Variants in SOX5 observed in about 807,000 individuals in gnomAD.
SOX5 encodes the protein SRY-box transcription factor 5, also known as transcription factor SOX-5.
In SOX5, 9 loss-of-function variants were observed where a neutral mutation model predicts 92.0. The observed-to-expected ratio is 0.10, with a 90% CI of 0.06 to 0.17. SOX5 has a LOEUF of 0.17. Ranked by LOEUF, SOX5 falls within the 10% of genes least tolerant of loss-of-function variation. SOX5 has a pLI of 1.00. For missense variants in SOX5, 642 were observed against 944.5 expected (o/e 0.68, Z 4.20); for synonymous variants, 344 against 336.3 (o/e 1.02, Z -0.25).
At chr12:23,591,342 G>T (rs1324283492) in intron 9 of SOX5, among the ~76,000 whole-genome samples, 1 of 152,022 alleles carries the variant, frequency 6.6e-6, no homozygotes, top group East Asian at 1.9e-4. Context: ...GTGTACATTT[G>T]TTAAGAGCCT....
chr12:23,721,476 A>G (rs1470369713), intron 6 of SOX5, among the ~76,000 whole-genome samples: 1 of 152,138 alleles, frequency 6.6e-6, no homozygotes, highest in African/African-American at 2.4e-5. Context: ...CCGAGAGCGT[A>G]AACTACCAAA....
chr12:24,078,828 C>T (rs1032015240), intron 4 of SOX5, among the ~76,000 whole-genome samples: 1 of 152,008 alleles, frequency 6.6e-6, no homozygotes, highest in African/African-American at 2.4e-5. Context: ...GAATATGTAT[C>T]TTTACAGAGC....
At chr12:23,819,271 C>A (rs923290409) in intron 3 of SOX5, among the ~76,000 whole-genome samples, 5 of 152,142 alleles carry the variant, frequency 3.3e-5, no homozygotes, top group African/African-American at 4.8e-5. Context: ...AGTTCTATTA[C>A]AATTTTCTGG....
At chr12:23,596,912 T>A (rs1219468654) in intron 9 of SOX5, among the ~76,000 whole-genome samples, 11 of 152,186 alleles carry the variant, frequency 7.2e-5, no homozygotes, top group Non-Finnish European at 1.3e-4. Context: ...TACCCAGACA[T>A]CCTTTCTTAT....
At chr12:24,539,147 T>C (rs1951898188) in intron 1 of SOX5, among the ~76,000 whole-genome samples, 1 of 152,150 alleles carries the variant, frequency 6.6e-6, no homozygotes, top group Non-Finnish European at 1.5e-5. Context: ...ATTTCATTAA[T>C]ATAAACCAAC....
chr12:23,878,308 A>G (rs1412502993), intron 2 of SOX5, among the ~76,000 whole-genome samples: 2 of 152,072 alleles, frequency 1.3e-5, no homozygotes, highest in Non-Finnish European at 2.9e-5. Flanking sequence ...AGAGAAACAG[A>G]TAGTTCCAAA....
Position 24,006,194 on chromosome 12 carries a change from T to A in SOX5, c.-1-110170A>T, listed in dbSNP as rs191975705. 1.6e-3 allele frequency among the ~76,000 whole-genome samples: 240 copies of A among 152,286 alleles called. 1 individual carries two copies. Among genetic ancestry groups the A allele is most frequent in the Middle Eastern group, 0.01 (3 of 294 alleles). ...TATGCACATAAAGAAGGTCCTCATC[T>A]TTTCATCAGGATAGTAGAACAGAAA... On this transcript the variant is annotated intron_variant, in intron 4 of 4. Coordinates refer to the SOX5 transcript ENST00000446891.
At position 24,376,264 on chromosome 12, in the gene SOX5, T is replaced by C. The variant is rs190049076; in HGVS notation, c.-250-7625A>G. On this transcript the variant is annotated intron_variant, in intron 1 of 4. Transcript: ENST00000446891. ...TACTTGTGGAGGTAGCAGTGTTGCATTGGAACCCGCAGCTGGAACCCATGG... is the reference window on the plus strand; with the variant it reads ...TACTTGTGGAGGTAGCAGTGTTGCACTGGAACCCGCAGCTGGAACCCATGG... 3.1e-3 allele frequency among the ~76,000 whole-genome samples: 477 copies of C among 152,316 alleles called. 1 individual carries two copies. Among genetic ancestry groups the C allele is most frequent in the Middle Eastern group, 6.8e-3 (2 of 294 alleles).
At chr12:23,676,808 C>G (rs911601744) in intron 6 of SOX5, among the ~76,000 whole-genome samples, 15 of 152,132 alleles carry the variant, frequency 9.9e-5, no homozygotes, top group Admixed American at 6.6e-5. Context: ...TTACTGTGTT[C>G]AACAATGTTT....
chr12:24,518,114 G>A (rs1011073968), intron 1 of SOX5, among the ~76,000 whole-genome samples: 1 of 151,272 alleles, frequency 6.6e-6, no homozygotes, highest in Non-Finnish European at 1.5e-5. Context: ...TGTCACTCAG[G>A]CTGGAGTGCA....
At chr12:24,080,743 C>G (rs971063704) in intron 4 of SOX5, among the ~76,000 whole-genome samples, 1 of 151,948 alleles carries the variant, frequency 6.6e-6, no homozygotes, top group African/African-American at 2.4e-5. Context: ...GATTCTACAG[C>G]TATGGCACAT....
At chr12:24,404,296 C>CA (rs570549982) in intron 1 of SOX5, among the ~76,000 whole-genome samples, 6 of 151,948 alleles carry the variant, frequency 3.9e-5, no homozygotes, top group Non-Finnish European at 8.8e-5. Context: ...TCAAAAGCAC[C>CA]AAAAAAATGC....
At chr12:24,182,499 A>G (rs1243986539) in intron 4 of SOX5, among the ~76,000 whole-genome samples, 4 of 152,198 alleles carry the variant, frequency 2.6e-5, no homozygotes, top group Admixed American at 1.3e-4. Context: ...ACTTAAGCAT[A>G]TTAGTTATCC....
intron 1 of SOX5, among the ~76,000 whole-genome samples, chr12:24,494,227 G>A (rs1050351418): frequency 2.6e-5 from 4 of 152,122 alleles, no homozygotes; most frequent in African/African-American, 9.7e-5. Context: ...GACTGGGCAG[G>A]TAATAAGAAA....
chr12:23,748,801 C>T (rs1049444777), intron 4 of SOX5, among the ~76,000 whole-genome samples: 1 of 151,856 alleles, frequency 6.6e-6, no homozygotes, highest in Admixed American at 6.6e-5. Context: ...AACTGGTATT[C>T]CACTTGAAAC....
intron 10 of SOX5, among the ~76,000 whole-genome samples, chr12:23,570,974 TA>T (rs1287934551): frequency 8.6e-6 from 1 of 115,800 alleles, no homozygotes; most frequent in Non-Finnish European, 1.7e-5. Context: ...TATATATATA[TA>T]TATATATATT....
chr12:23,806,116 CT>C (rs2095765740), intron 3 of SOX5, among the ~76,000 whole-genome samples: 1 of 152,120 alleles, frequency 6.6e-6, no homozygotes, highest in Admixed American at 6.5e-5. Context: ...TCTGCTTTAA[CT>C]TACAATAATA....
chr12:24,312,819 T>G (rs1949320201), intron 2 of SOX5, among the ~76,000 whole-genome samples: 1 of 152,200 alleles, frequency 6.6e-6, no homozygotes, highest in Non-Finnish European at 1.5e-5. Context: ...AGGTCTGTCA[T>G]TTTAAAGACC....
chr12:24,334,616 C>T (rs1227990880), intron 2 of SOX5, among the ~76,000 whole-genome samples: 2 of 152,136 alleles, frequency 1.3e-5, no homozygotes, highest in Non-Finnish European at 2.9e-5. Context: ...AGGGGCAATG[C>T]TCATGCCCTT....
Sources: allele counts gnomAD v4.1 joint callset (sites outside exome capture counted in the v4.1 genomes callset), GRCh38; gene constraint gnomAD v4.1.1; transcripts MANE v1.5; gene names NCBI Gene and HGNC (gene_info 2026-07-23, HGNC 2026-07-21).